The following BLVRA variants were observed in gnomAD, a reference collection of about 807,000 sequenced individuals.
BLVRA encodes the protein BVR A.
A neutral mutation model predicts 32.8 loss-of-function variants in BLVRA; 22 were observed. The observed-to-expected ratio is 0.67, with a 90% CI of 0.48 to 0.96. BLVRA has a LOEUF of 0.96. BLVRA is among the 40% of genes least tolerant of loss of function. BLVRA has a pLI of 0.00. For missense variants in BLVRA, 323 were observed against 358.1 expected, an observed-to-expected ratio of 0.90 and a Z score of 0.79; for synonymous variants, 119 against 141.3, an observed-to-expected ratio of 0.84 and a Z score of 1.12.
chr7:43,775,330 T>C (rs1302742847), intron 2 of BLVRA, among the ~76,000 whole-genome samples: 2 of 152,232 alleles, frequency 1.3e-5, no homozygotes, highest in Admixed American at 6.5e-5. Context: ...ACCTAATTTA[T>C]TGAGAGTTTT....
At chr7:43,760,020 C>T (rs995622010) in intron 1 of BLVRA, 1 of 136,156 alleles carries the variant, frequency 7.3e-6, no homozygotes, top group Non-Finnish European at 1.5e-5. Flanking sequence ...GAGACAGAGC[C>T]TCGCCCTGTC....
In BLVRA at chr7:43,807,107, C is replaced by A; in HGVS notation, c.763C>A (p.Gln255Lys). The A allele has an allele frequency of 6.2e-7, 1 of 1,614,122 alleles. No individual in the cohort carries two copies. The highest frequency in any genetic ancestry group is 8.5e-7 in the Non-Finnish European group (1 of 1,180,026). Reference sequence around the variant, plus strand: ...GAATAAGAACATATTTCTGAAAGATCAAAATATATTTGTCCAGAAACTCTT... The same window carrying A: ...GAATAAGAACATATTTCTGAAAGATAAAAATATATTTGTCCAGAAACTCTT... ...GVNKNIFLKD[Q>K]NIFVQKLLGQ... Residue 255 changes from glutamine to lysine, a missense_variant, in exon 8 of 8, where the codon CAA becomes AAA. Coordinates refer to ENST00000265523, the MANE Select transcript of BLVRA (RefSeq NM_000712.4).
chr7:43,789,426 C>G (rs2095782638), intron 3 of BLVRA, among the ~76,000 whole-genome samples: 1 of 152,188 alleles, frequency 6.6e-6, no homozygotes, highest in Admixed American at 6.5e-5. Context: ...AGAATCTGCC[C>G]TTGGGCCAGC....
intron 2 of BLVRA, among the ~76,000 whole-genome samples, chr7:43,771,558 T>C (rs1432131588): frequency 6.6e-6 from 1 of 152,240 alleles, no homozygotes; most frequent in Non-Finnish European, 1.5e-5. Context: ...TAGCTCCTTA[T>C]CCTTTTGTTT....
At chr7:43,758,504 C>T (rs889882381), upstream of BLVRA, among the ~76,000 whole-genome samples, 14 of 151,404 alleles carry the variant, frequency 9.2e-5, no homozygotes, top group Admixed American at 9.2e-4. Context: ...CCCCAGGCGC[C>T]AGACCCAGGG....
chr7:43,767,341 G>A lies in BLVRA; in HGVS notation c.-21-3797G>A, dbSNP rs891881122. 3.8e-5 allele frequency: 61 copies of A among 1,588,168 alleles called. 1 individual carries two copies. The highest frequency in any genetic ancestry group is 2.5e-4 in the South Asian group (23 of 90,600). On this transcript the variant is annotated intron_variant, in intron 1 of 7. Transcript: ENST00000265523. ...GAACGCACTGCAGCCTCCTAAGTTC[G>A]GAAAAGAAAGCTCATTAGCATCTAC...
At chr7:43,789,613 G>A (rs2095782948) in intron 3 of BLVRA, among the ~76,000 whole-genome samples, 1 of 152,202 alleles carries the variant, frequency 6.6e-6, no homozygotes, top group South Asian at 2.1e-4. Flanking sequence ...TCCTCTGCCA[G>A]TTGGCTTCCA....
At chr7:43,780,789 G>GT (rs1689649545) in intron 2 of BLVRA, among the ~76,000 whole-genome samples, 1 of 152,178 alleles carries the variant, frequency 6.6e-6, no homozygotes, top group South Asian at 2.1e-4. Context: ...GAATTAAGTG[G>GT]TTTTCCTTTT....
intron 5 of BLVRA, among the ~76,000 whole-genome samples, chr7:43,793,067 C>T (rs1166102584): frequency 6.6e-6 from 1 of 152,172 alleles, no homozygotes. Context: ...AATTAGTTTT[C>T]ACCTATGCTT....
chr7:43,788,140 G>A, intron 3 of BLVRA, 115 bp downstream of exon 3: 1 of 1,565,292 alleles, frequency 6.4e-7, no homozygotes, highest in Non-Finnish European at 8.8e-7. Flanking sequence ...TCCCAACTGA[G>A]AACTGTGCTT....
At chr7:43,800,336 C>G in intron 5 of BLVRA, 129 bp from the exon 6 acceptor site, 1 of 855,128 alleles carries the variant, frequency 1.2e-6, no homozygotes, top group Non-Finnish European at 1.9e-6. Flanking sequence ...GGGAGGCCAT[C>G]CTGGCCATGT....
intron 3 of BLVRA, among the ~76,000 whole-genome samples, chr7:43,790,870 A>G (rs961481039): frequency 2.0e-5 from 3 of 152,094 alleles, no homozygotes; most frequent in Non-Finnish European, 4.4e-5. Context: ...ACAGGTTTTC[A>G]CCATGTTGGC....
At chr7:43,779,125 G>A (rs952070024) in intron 2 of BLVRA, among the ~76,000 whole-genome samples, 2 of 152,212 alleles carry the variant, frequency 1.3e-5, no homozygotes, top group East Asian at 1.9e-4. Flanking sequence ...GCACTGCCTC[G>A]CCCTGCTTCG....
chr7:43,773,295 C>G lies in BLVRA; in HGVS notation c.12+2125C>G, dbSNP rs527930246. On this transcript the variant is annotated intron_variant, in intron 2 of 7. Coordinates refer to ENST00000265523, the MANE Select transcript of BLVRA (RefSeq NM_000712.4). ...TAATGCTATCCCTCCCCTCTCCCCCCACCCCACAACAGTCCCCGGAGTTCG... is the reference window on the plus strand; with the variant it reads ...TAATGCTATCCCTCCCCTCTCCCCCGACCCCACAACAGTCCCCGGAGTTCG... 9.2e-5 allele frequency among the ~76,000 whole-genome samples: 14 copies of G among 152,148 alleles called. No individual in the cohort carries two copies. The East Asian group carries it at 1.9e-3, about 21-fold the overall frequency.
Position 43,765,495 on chromosome 7 carries a change from G to A in BLVRA, c.-21-5643G>A, listed in dbSNP as rs901475463. On this transcript the variant is annotated intron_variant, in intron 1 of 7. Coordinates refer to ENST00000265523, the MANE Select transcript of BLVRA (RefSeq NM_000712.4). ...TTGAACTCCTGGCCTCAAGTGATCC[G>A]CCCGCCTCGGCCTCCCAAAGTGCTA... 5.3e-5 allele frequency among the ~76,000 whole-genome samples: 8 copies of A among 152,132 alleles called. No homozygotes were observed. The East Asian group carries it at 1.5e-3, about 29-fold the overall frequency.
In BLVRA at chr7:43,787,731, T is replaced by C. The variant is rs937426943; in HGVS notation, c.13-173T>C. Among the ~76,000 whole-genome samples the C allele has an allele frequency of 2.6e-5, 4 of 152,174 alleles. No individual in the cohort carries two copies. Among genetic ancestry groups the C allele is most frequent in the Admixed American group, 6.5e-5 (1 of 15,282 alleles). The stretch of plus-strand genomic sequence containing the variant: ...CAGGTTTTGGCGGGACTGACTTCTC[T>C]CCAAGCCCCCATTTCGGGGACTGTC... On this transcript the variant is annotated intron_variant, in intron 2 of 7. Coordinates refer to ENST00000265523, the MANE Select transcript of BLVRA (RefSeq NM_000712.4). The surrounding 1 kb of genome is among the most constrained non-coding windows in gnomAD (Gnocchi z 4.5).
chr7:43,805,745 G>C (rs1307097719), intron 7 of BLVRA, among the ~76,000 whole-genome samples: 1 of 151,874 alleles, frequency 6.6e-6, no homozygotes, highest in African/African-American at 2.4e-5. Context: ...TTTTGAGACC[G>C]GGTTATGAGA....
chr7:43,789,479 G>A (rs1354284011), intron 3 of BLVRA, among the ~76,000 whole-genome samples: 1 of 152,120 alleles, frequency 6.6e-6, no homozygotes, highest in African/African-American at 2.4e-5. Flanking sequence ...CACACAAATG[G>A]GAGAGCAAAG....
At chr7:43,785,553 A>C (rs1454719508) in intron 2 of BLVRA, among the ~76,000 whole-genome samples, 1 of 152,172 alleles carries the variant, frequency 6.6e-6, no homozygotes, top group Non-Finnish European at 1.5e-5. Context: ...AAAGAGAGGC[A>C]GTTAGTCATA....
Sources: allele counts gnomAD v4.1 joint callset (sites outside exome capture counted in the v4.1 genomes callset), GRCh38; gene constraint gnomAD v4.1.1; non-coding constraint Gnocchi (gnomAD v3.1); transcripts MANE v1.5; gene names NCBI Gene and HGNC (gene_info 2026-07-23, HGNC 2026-07-21).